Variants in SDK1 observed in about 807,000 individuals in gnomAD.
The protein encoded by SDK1 is protein sidekick-1.
SDK1 carries 157 observed loss-of-function variants against 245.5 expected under a neutral mutation model. The observed-to-expected ratio is 0.64, with a 90% CI of 0.56 to 0.73. SDK1 has a LOEUF of 0.73. Ranked by LOEUF, SDK1 falls within the 30% of genes least tolerant of loss-of-function variation. The pLI, the probability that SDK1 is intolerant of heterozygous loss-of-function variation, is 0.00. For synonymous variants in SDK1, 1,647 were observed against 1,278.5 expected (o/e 1.29, Z -6.15); for missense variants, 3,583 against 3,002.3 (o/e 1.19, Z -4.52).
intron 5 of SDK1, among the ~76,000 whole-genome samples, chr7:3,834,621 C>T (rs1372322062): frequency 6.6e-6 from 1 of 152,150 alleles, no homozygotes. Context: ...TCATTTGCTC[C>T]CTTGTTATAA....
intron 18 of SDK1, 80 bp downstream of exon 18, chr7:4,049,543 C>G: frequency 9.5e-7 from 1 of 1,053,004 alleles, no homozygotes; most frequent in East Asian, 2.4e-5. Flanking sequence ...GGCACCCCCT[C>G]TTGTGTATCA....
intron 1 of SDK1, among the ~76,000 whole-genome samples, chr7:3,323,280 C>G (rs1481288176): frequency 6.6e-6 from 1 of 152,142 alleles, no homozygotes; most frequent in African/African-American, 2.4e-5. Context: ...CGGCACAGTA[C>G]CTGATGTCTG....
chr7:3,416,952 C>T (rs1779384623), intron 1 of SDK1, among the ~76,000 whole-genome samples: 1 of 152,122 alleles, frequency 6.6e-6, no homozygotes, highest in East Asian at 1.9e-4. Context: ...GTGGATGGAT[C>T]ACCTGAGGTC....
At position 4,054,950 on chromosome 7, in the gene SDK1, T is replaced by G. The variant is rs899841273; in HGVS notation, c.2911+3120T>G. Among the ~76,000 whole-genome samples the G allele has an allele frequency of 4.6e-5, 7 of 152,252 alleles. 1 individual carries two copies. The highest frequency in any genetic ancestry group is 1.0e-4 in the Non-Finnish European group (7 of 68,034). ...CCAGCTTTGTGTACTTAAATTCAACTTGGTCACAGTGTATAATTCTTTTCA... is the reference window on the plus strand; with the variant it reads ...CCAGCTTTGTGTACTTAAATTCAACGTGGTCACAGTGTATAATTCTTTTCA... On this transcript the variant is annotated intron_variant, in intron 19 of 44. Transcript: ENST00000404826.
Position 3,652,894 on chromosome 7 carries a change from G to A in SDK1, c.713+10789G>A, listed in dbSNP as rs117722391. Among the ~76,000 whole-genome samples, 54 of 152,316 alleles carry A rather than the reference G, an allele frequency of 3.5e-4. No homozygotes were observed. The East Asian group carries it at 0.01, about 29-fold the overall frequency. ...ATTGTCTCCGAGCTTTATAAGAGAG[G>A]AGGTGAAGGATGTTCCAGTAGGATA... On this transcript the variant is annotated intron_variant, in intron 4 of 44. Coordinates refer to ENST00000404826, the MANE Select transcript of SDK1 (RefSeq NM_152744.4).
At chr7:3,901,615 T>G (rs1223243030) in intron 5 of SDK1, among the ~76,000 whole-genome samples, 3 of 152,178 alleles carry the variant, frequency 2.0e-5, no homozygotes, top group South Asian at 2.1e-4. Flanking sequence ...AAGGGAAAGG[T>G]GCATTTTTCC....
chr7:3,604,923 T>A (rs1033747014), intron 1 of SDK1, among the ~76,000 whole-genome samples: 1 of 152,088 alleles, frequency 6.6e-6, no homozygotes, highest in Non-Finnish European at 1.5e-5. Context: ...TTCTCTGACT[T>A]GTTTATTTTT....
intron 1 of SDK1, among the ~76,000 whole-genome samples, chr7:3,334,426 C>A (rs1282564027): frequency 6.6e-6 from 1 of 152,032 alleles, no homozygotes; most frequent in Non-Finnish European, 1.5e-5. Flanking sequence ...TCTTCCCTGC[C>A]GTCCCTTTCA....
chr7:3,729,462 A>T (rs189194218), intron 4 of SDK1, among the ~76,000 whole-genome samples: 17 of 152,354 alleles, frequency 1.1e-4, no homozygotes, highest in African/African-American at 3.8e-4. Flanking sequence ...GGTGGGGGCC[A>T]CATTTGCCAT....
chr7:3,614,972 G>A (rs1361172278), intron 1 of SDK1, among the ~76,000 whole-genome samples: 2 of 151,298 alleles, frequency 1.3e-5, no homozygotes, highest in African/African-American at 4.8e-5. Flanking sequence ...CATGGTATAG[G>A]CATGTTTGTT....
chr7:3,461,025 A>T (rs543519430), intron 1 of SDK1, among the ~76,000 whole-genome samples: 2 of 152,200 alleles, frequency 1.3e-5, no homozygotes, highest in African/African-American at 2.4e-5. Flanking sequence ...TTGCTAATAT[A>T]TACAGATTTA....
chr7:3,321,112 T>C (rs1188317884), intron 1 of SDK1, among the ~76,000 whole-genome samples: 1 of 152,200 alleles, frequency 6.6e-6, no homozygotes, highest in Non-Finnish European at 1.5e-5. Flanking sequence ...TGAAGGCTCT[T>C]GAAATGAAAA....
At chr7:3,761,259 C>CA in intron 4 of SDK1, among the ~76,000 whole-genome samples, 1 of 97,534 alleles carries the variant, frequency 1.0e-5, no homozygotes, top group Non-Finnish European at 2.0e-5. Flanking sequence ...AGCCCCCCCT[C>CA]CTTTTTTTTT....
intron 35 of SDK1, among the ~76,000 whole-genome samples, chr7:4,182,473 G>T (rs1016755103): frequency 2.0e-5 from 3 of 152,198 alleles, no homozygotes; most frequent in African/African-American, 7.2e-5. Flanking sequence ...AACTTCCACA[G>T]GGCAGGAGAG....
intron 1 of SDK1, among the ~76,000 whole-genome samples, chr7:3,541,003 A>G (rs929468169): frequency 3.3e-5 from 5 of 152,220 alleles, no homozygotes; most frequent in Non-Finnish European, 5.9e-5. Context: ...TTAAAATCCC[A>G]GTGTTAATTT....
intron 4 of SDK1, among the ~76,000 whole-genome samples, chr7:3,744,760 G>T (rs1322856109): frequency 2.6e-5 from 4 of 151,530 alleles, no homozygotes; most frequent in Non-Finnish European, 5.9e-5. Context: ...TGCAGTGAGC[G>T]GAGATCACAC....
chr7:4,173,414 T>G (rs1407474548), intron 32 of SDK1, among the ~76,000 whole-genome samples: 1 of 152,310 alleles, frequency 6.6e-6, no homozygotes, highest in East Asian at 1.9e-4. Flanking sequence ...AAGGCAAGCC[T>G]TGCGCTGGGT....
chr7:4,122,561 T>C (rs1784137021), intron 25 of SDK1, among the ~76,000 whole-genome samples: 1 of 152,116 alleles, frequency 6.6e-6, no homozygotes, highest in Admixed American at 6.5e-5. Flanking sequence ...AGTTTACAGT[T>C]TTGAAGTGCA....
At chr7:3,983,564 C>G (rs577905570) in intron 13 of SDK1, among the ~76,000 whole-genome samples, 1 of 152,312 alleles carries the variant, frequency 6.6e-6, no homozygotes, top group East Asian at 1.9e-4. Flanking sequence ...AGAGTATAAA[C>G]AGAACTTTTA....
Sources: gnomAD v4.1 joint callset for allele counts (sites outside exome capture counted in the v4.1 genomes callset) on GRCh38, gnomAD v4.1.1 for gene constraint, MANE v1.5 for transcripts, NCBI Gene and HGNC (gene_info 2026-07-23, HGNC 2026-07-21) for gene names.